Variants in SLC38A11 observed in about 807,000 individuals in gnomAD.
SLC38A11 encodes putative sodium-coupled neutral amino acid transporter 11.
A neutral mutation model predicts 49.4 loss-of-function variants in SLC38A11; 51 were observed. That is an observed-to-expected ratio of 1.03 (90% CI 0.83 to 1.30). SLC38A11 has a LOEUF of 1.30. Ranked by LOEUF, SLC38A11 falls within the 50% of genes most tolerant of loss-of-function variation. SLC38A11 has a pLI of 0.00. For missense variants in SLC38A11, 574 were observed against 556.2 expected, an observed-to-expected ratio of 1.03 and a Z score of -0.32; for synonymous variants, 203 against 192.9, an observed-to-expected ratio of 1.05 and a Z score of -0.43.
Position 164,899,705 on chromosome 2 carries a change from C to A in SLC38A11, c.1096-975G>T, listed in dbSNP as rs547960158. Among the ~76,000 whole-genome samples, 10 of 152,036 alleles carry A rather than the reference C, an allele frequency of 6.6e-5. No individual in the cohort carries two copies. The South Asian group carries it at 1.9e-3, about 28-fold the overall frequency. On this transcript the variant is annotated intron_variant, in intron 11 of 11. Transcript: ENST00000685975. The stretch of plus-strand genomic sequence containing the variant: ...TATTGTGTATATTTGAGGTTTATAA[C>A]CTGATGTCATAGAATACATACAGAT...
intron 11 of SLC38A11, 85 bp from the exon 12 acceptor site, chr2:164,898,815 T>G (rs1684473238): frequency 7.5e-7 from 1 of 1,333,134 alleles, no homozygotes; most frequent in Non-Finnish European, 1.0e-6. Flanking sequence ...ACAAAATGTG[T>G]TTTTCATGCA....
chr2:164,942,532 C>T (rs1687852620), intron 5 of SLC38A11, among the ~76,000 whole-genome samples: 2 of 151,786 alleles, frequency 1.3e-5, no homozygotes, highest in Admixed American at 1.3e-4. Context: ...CCACAAAAAT[C>T]CCATGAATCT....
chr2:164,925,062 A>C (rs1366197499), intron 7 of SLC38A11, among the ~76,000 whole-genome samples: 2 of 152,206 alleles, frequency 1.3e-5, no homozygotes. Context: ...ATAAATTTTT[A>C]AAATATGAAT....
intron 7 of SLC38A11, among the ~76,000 whole-genome samples, chr2:164,933,245 G>GTT (rs11452076): frequency 5.3e-5 from 8 of 150,878 alleles, no homozygotes; most frequent in African/African-American, 1.9e-4. Flanking sequence ...TAAATGAAGG[G>GTT]TTTTTTTTTA....
chr2:164,939,311 C>T, intron 6 of SLC38A11, 139 bp downstream of exon 6: 1 of 488,060 alleles, frequency 2.0e-6, no homozygotes, highest in Non-Finnish European at 3.7e-6. Flanking sequence ...GATTCAAACA[C>T]AGTTCACTCT....
chr2:164,934,728 TA>T (rs1687239693), intron 7 of SLC38A11, among the ~76,000 whole-genome samples: 1 of 152,172 alleles, frequency 6.6e-6, no homozygotes, highest in African/African-American at 2.4e-5. Flanking sequence ...CTTTTTATAA[TA>T]AAAATTATCA....
At chr2:164,955,143 C>T in intron 1 of SLC38A11, 66 bp downstream of exon 1, 1 of 1,459,094 alleles carries the variant, frequency 6.9e-7, no homozygotes, top group Non-Finnish European at 9.4e-7. Flanking sequence ...GGTGACCTGA[C>T]CTGTTGCAAG....
chr2:164,922,140 T>C (rs1486350961), intron 7 of SLC38A11: 1 of 152,192 alleles, frequency 6.6e-6, no homozygotes, highest in African/African-American at 2.4e-5. Context: ...CCAGTCTCTA[T>C]AGACTGATAA....
intron 11 of SLC38A11, among the ~76,000 whole-genome samples, chr2:164,899,146 A>G (rs1684492807): frequency 6.6e-6 from 1 of 152,120 alleles, no homozygotes; most frequent in Non-Finnish European, 1.5e-5. Context: ...ATTTGTGTAT[A>G]AGAAGGAAAT....
chr2:164,946,915 G>C (rs1298849111), intron 3 of SLC38A11, among the ~76,000 whole-genome samples: 1 of 151,952 alleles, frequency 6.6e-6, no homozygotes, highest in African/African-American at 2.4e-5. Flanking sequence ...ATACTTCCTA[G>C]ATCTTACTCT....
intron 7 of SLC38A11, among the ~76,000 whole-genome samples, chr2:164,920,130 C>T (rs1380856569): frequency 2.6e-5 from 4 of 151,828 alleles, no homozygotes; most frequent in East Asian, 1.9e-4. Flanking sequence ...AAAAATTAGC[C>T]GGGTGTGGTG....
chr2:164,955,143 C>A lies in SLC38A11; in HGVS notation c.39+66G>T, dbSNP rs1688764153. 26 of 1,458,982 alleles carry A rather than the reference C, an allele frequency of 1.8e-5. No individual in the cohort carries two copies. In the South Asian group the frequency reaches 2.7e-4, roughly 15 times the overall value. The allele number at this position is 1,458,982 out of a possible 1,614,324, so 90.4% of individuals were successfully genotyped here. ...GCCCAGGTGAAGGTAGGTGACCTGA[C>A]CTGTTGCAAGGTGAATGAAATTTCC... On this transcript the variant is annotated intron_variant, in intron 1 of 11. Coordinates refer to ENST00000685975, the MANE Select transcript of SLC38A11 (RefSeq NM_001351537.2).
At chr2:164,915,469 T>G in intron 8 of SLC38A11, 196 bp from the exon 9 acceptor site, 2 of 512,196 alleles carry the variant, frequency 3.9e-6, no homozygotes, top group Non-Finnish European at 6.7e-6. Flanking sequence ...GCTTATGTGG[T>G]CTTTTCATGT....
In SLC38A11 at chr2:164,915,337, A is replaced by T. The variant is rs967564824; in HGVS notation, c.689-64T>A. ...CCAGGGTTTTCTTTTTTAGTTCTGA[A>T]ATTCAGAGATATATACTACTTTAGA... is the stretch of plus-strand genomic sequence containing the variant. On this transcript the variant is annotated intron_variant, in intron 8 of 11. Coordinates refer to ENST00000685975, the MANE Select transcript of SLC38A11 (RefSeq NM_001351537.2). The T allele has an allele frequency of 6.3e-6, 9 of 1,436,460 alleles. No individual in the cohort carries two copies. The East Asian group carries it at 1.8e-4, about 29-fold the overall frequency. 89.0% of individuals were successfully genotyped at this position (1,436,460 alleles called of 1,614,324 possible).
chr2:164,915,748 C>CT, intron 8 of SLC38A11, 155 bp downstream of exon 8: 1 of 583,312 alleles, frequency 1.7e-6, no homozygotes, highest in East Asian at 2.6e-5. Flanking sequence ...AAGTTTGAGC[C>CT]TAATTTTATA....
chr2:164,939,606 G>A, intron 5 of SLC38A11, 50 bp from the exon 6 acceptor site: 3 of 1,183,086 alleles, frequency 2.5e-6, no homozygotes, highest in Non-Finnish European at 3.7e-6. Flanking sequence ...GTAACACATT[G>A]GTGACACACT....
At position 164,894,864 on chromosome 2, in the gene SLC38A11, T is replaced by C. The variant is rs1684358638; in HGVS notation, c.*3573A>G. On this transcript the variant is annotated 3_prime_UTR_variant, in exon 12 of 12. Coordinates refer to ENST00000685975, the MANE Select transcript of SLC38A11 (RefSeq NM_001351537.2). ...CTCCTACATCTCCAGCCTCATTTTC[T>C]TCCCTGAGATCTAGCATGGTATTCC... 6.6e-6 allele frequency among the ~76,000 whole-genome samples: 1 copy of C among 152,184 alleles called. No individual in the cohort carries two copies. The highest frequency in any genetic ancestry group is 2.4e-5 in the African/African-American group (1 of 41,460).
intron 7 of SLC38A11, among the ~76,000 whole-genome samples, chr2:164,917,744 GT>G (rs1481756559): frequency 1.3e-5 from 2 of 152,066 alleles, no homozygotes; most frequent in Non-Finnish European, 2.9e-5. Context: ...AGTACAGATT[GT>G]GGTGGTGTCC....
chr2:164,946,604 T>G (rs1008525264), intron 3 of SLC38A11, among the ~76,000 whole-genome samples: 7 of 151,734 alleles, frequency 4.6e-5, no homozygotes, highest in African/African-American at 1.7e-4. Flanking sequence ...TTAAGAAACT[T>G]CAATTGAAGT....
Sources: allele counts gnomAD v4.1 joint callset (sites outside exome capture counted in the v4.1 genomes callset), GRCh38; gene constraint gnomAD v4.1.1; transcripts MANE v1.5; gene names NCBI Gene and HGNC (gene_info 2026-07-23, HGNC 2026-07-21).